KRT2: variants seen among roughly 807,000 people sequenced by gnomAD.
The protein encoded by KRT2 is keratin 2, also known as keratin, type II cytoskeletal 2 epidermal.
A neutral mutation model predicts 48.5 loss-of-function variants in KRT2; 37 were observed. The ratio of observed to expected loss-of-function variants is 0.76; its 90% CI spans 0.59 to 1.00. KRT2 has a LOEUF of 1.00. KRT2 is among the 50% of genes least tolerant of loss of function. The pLI, the probability that KRT2 is intolerant of heterozygous loss-of-function variation, is 0.00. For missense variants in KRT2, 880 were observed against 815.2 expected (o/e 1.08, Z -0.97); for synonymous variants, 324 against 312.2 (o/e 1.04, Z -0.40).
Position 52,645,114 on chromosome 12 carries a change from C to T in KRT2, c.1825G>A (p.Gly609Arg), listed in dbSNP as rs777733979. 3 of 1,613,828 alleles carry T rather than the reference C, an allele frequency of 1.9e-6. No individual in the cohort carries two copies. The South Asian group carries it at 3.3e-5, about 18-fold the overall frequency. The stretch of plus-strand genomic sequence containing the variant: ...CCACCTCCAGAGCCATATCCTCCTC[C>T]AGAGCTGGAGCCTCCTCTAGAGCCA... ...GGGSRGGSSS[G>R]GGYGSGGGGS... is the part of the protein sequence containing the mutation. Residue 609 changes from glycine (G) to arginine (R), a missense_variant, in exon 9 of 9, where the codon GGA becomes AGA. Transcript: ENST00000309680.
At position 52,646,913 on chromosome 12, in the gene KRT2, C is replaced by G; in HGVS notation, c.1296G>C (p.Glu432Asp). ...DAIADAEQRG[E>D]HALKDARNKL... Reference sequence around the variant, plus strand: ...TGTTCCTGGCATCCTTGAGGGCATGCTCCCCACGCTGCTCGGCATCTGCGA... The same window carrying G: ...TGTTCCTGGCATCCTTGAGGGCATGGTCCCCACGCTGCTCGGCATCTGCGA... The change falls in exon 7 of 9, where the codon GAG (glutamate) becomes GAC (aspartate). Residue 432 changes from glutamate (E) to aspartate (D), a missense_variant. Glu to Asp is a conservative substitution (Grantham distance 45). Coordinates refer to ENST00000309680, the MANE Select transcript of KRT2 (RefSeq NM_000423.3). 6.2e-7 allele frequency: 1 copy of G among 1,614,208 alleles called. No homozygotes were observed. The highest frequency in any genetic ancestry group is 8.5e-7 in the Non-Finnish European group (1 of 1,180,020).
chr12:52,647,344 C>T (rs1941181853), intron 6 of KRT2, among the ~76,000 whole-genome samples: 1 of 152,232 alleles, frequency 6.6e-6, no homozygotes, highest in Admixed American at 6.5e-5. Context: ...CAGCTGCCCT[C>T]AATACTCACT....
chr12:52,647,474 C>T (rs1461401766), intron 6 of KRT2, among the ~76,000 whole-genome samples: 1 of 152,230 alleles, frequency 6.6e-6, no homozygotes, highest in Non-Finnish European at 1.5e-5. Context: ...GTTATGACTC[C>T]CTTTTCCTCA....
Position 52,650,519 on chromosome 12 carries a change from T to C in KRT2, c.620A>G (p.Gln207Arg). The C allele has an allele frequency of 6.2e-7, 1 of 1,612,988 alleles. No individual in the cohort carries two copies. The highest frequency in any genetic ancestry group is 8.5e-7 in the Non-Finnish European group (1 of 1,180,010). Residue 207 changes from glutamine to arginine, a missense_variant, in exon 2 of 9, where the codon CAG becomes CGG. By Grantham distance (43) the Gln-to-Arg change is conservative. Coordinates refer to ENST00000309680, the MANE Select transcript of KRT2 (RefSeq NM_000423.3). Reference sequence around the variant, plus strand: ...TTGTTGTAGCAGCTCCCATTTGGTCTGTAACACCTGGTTCTGCTGCTCCAA... The same window carrying C: ...TTGTTGTAGCAGCTCCCATTTGGTCCGTAACACCTGGTTCTGCTGCTCCAA... Reference protein sequence around the residue: ...RFLEQQNQVLQTKWELLQQMN... With the variant: ...RFLEQQNQVLRTKWELLQQMN...
At position 52,649,939 on chromosome 12, in the gene KRT2, T is replaced by G; in HGVS notation, c.836A>C (p.Glu279Ala). The change falls in exon 3 of 9, where the codon GAG becomes GCG. Residue 279 changes from glutamate (E) to alanine (A), a missense_variant. Transcript: ENST00000309680. The stretch of plus-strand genomic sequence containing the variant: ...CTTTTTAAGCGTCACAAAATCATTC[T>G]CAGCAGCTGTGCGCTTATTGATTTC... Reference protein sequence around the residue: ...EDEINKRTAAENDFVTLKKDV... With the variant: ...EDEINKRTAAANDFVTLKKDV... The G allele has an allele frequency of 6.2e-7, 1 of 1,613,932 alleles. No homozygotes were observed. The highest frequency in any genetic ancestry group is 8.5e-7 in the Non-Finnish European group (1 of 1,179,772).
chr12:52,646,102 GA>G (rs1565638613), intron 7 of KRT2, among the ~76,000 whole-genome samples: 1 of 152,222 alleles, frequency 6.6e-6, no homozygotes, highest in Non-Finnish European at 1.5e-5. Flanking sequence ...ACCTCCTGAA[GA>G]AAGCCACTCC....
intron 3 of KRT2, 35 bp downstream of exon 3, chr12:52,649,879 A>C (rs150989489): frequency 0.03 from 47,118 of 1,560,048 alleles, 831 homozygotes; most frequent in Non-Finnish European, 0.036. Flanking sequence ...AAGCACTCCT[A>C]TCCCCACCCC....
chr12:52,644,829 G>C lies in KRT2; in HGVS notation c.*190C>G, dbSNP rs1347300089. 7 of 653,690 alleles carry C rather than the reference G, an allele frequency of 1.1e-5. No individual in the cohort carries two copies. In the African/African-American group the frequency reaches 1.3e-4, roughly 12 times the overall value. The allele number at this position is 653,690 out of a possible 1,614,324, so 40.5% of individuals were successfully genotyped here. ...GCCCCAGAACACAGAGGCGTCACTG[G>C]CTCTAACTAACTGGTTTGGAGAGAA... On this transcript the variant is annotated 3_prime_UTR_variant, in exon 9 of 9. Transcript: ENST00000309680.
chr12:52,647,964 A>G, intron 5 of KRT2, 109 bp from the exon 6 acceptor site: 1 of 1,432,774 alleles, frequency 7.0e-7, no homozygotes, highest in Non-Finnish European at 9.8e-7. Context: ...GGGTCAACCC[A>G]GCTAAATGTC....
Position 52,648,355 on chromosome 12 carries a change from G to A in KRT2, c.958-18C>T. On this transcript the variant is annotated intron_variant, in intron 4 of 8. Coordinates refer to ENST00000309680, the MANE Select transcript of KRT2 (RefSeq NM_000423.3). ...GATATCTCCTACAACACACAGGAAGGTCTGGTCATGACATCCTGCCATAGC... is the reference window on the plus strand; with the variant it reads ...GATATCTCCTACAACACACAGGAAGATCTGGTCATGACATCCTGCCATAGC... The A allele has an allele frequency of 6.2e-7, 1 of 1,612,062 alleles. No homozygotes were observed. The highest frequency in any genetic ancestry group is 8.5e-7 in the Non-Finnish European group (1 of 1,178,142).
chr12:52,649,446 G>A (rs542223834), intron 3 of KRT2, among the ~76,000 whole-genome samples: 12 of 152,190 alleles, frequency 7.9e-5, no homozygotes, highest in South Asian at 2.1e-4. Flanking sequence ...CTCTCATCCC[G>A]TCTGTCCATC....
rs370437084 is a variant in KRT2, at chr12:52,648,341, C to T, written c.958-4G>A. On this transcript the variant is annotated splice_polypyrimidine_tract_variant and splice_region_variant and intron_variant, in intron 4 of 8. Coordinates refer to ENST00000309680, the MANE Select transcript of KRT2 (RefSeq NM_000423.3). ...TCTGATGTATCTGGGATATCTCCTACAACACACAGGAAGGTCTGGTCATGA... is the reference window on the plus strand; with the variant it reads ...TCTGATGTATCTGGGATATCTCCTATAACACACAGGAAGGTCTGGTCATGA... 3.1e-6 allele frequency: 5 copies of T among 1,613,704 alleles called. No homozygotes were observed. The highest frequency in any genetic ancestry group is 3.4e-6 in the Non-Finnish European group (4 of 1,179,604).
chr12:52,648,675 G>T (rs983709219), intron 4 of KRT2, among the ~76,000 whole-genome samples: 1 of 152,166 alleles, frequency 6.6e-6, no homozygotes, highest in African/African-American at 2.4e-5. Flanking sequence ...GAGGGGGATA[G>T]GAGACAAATG....
rs758810577 is a variant in KRT2, at chr12:52,649,114, G to A, written c.862-12C>T. The A allele has an allele frequency of 5.1e-6, 8 of 1,561,770 alleles. No homozygotes were observed. The highest frequency in any genetic ancestry group is 7.1e-6 in the Non-Finnish European group (8 of 1,132,628). ...GCATTGTCCACGTCCTGCAAGAAAGGTTGAGGCCTCTGGTGTATGGTTCCC... is the reference window on the plus strand; with the variant it reads ...GCATTGTCCACGTCCTGCAAGAAAGATTGAGGCCTCTGGTGTATGGTTCCC... On this transcript the variant is annotated splice_polypyrimidine_tract_variant and intron_variant, in intron 3 of 8. Transcript: ENST00000309680.
rs1409015144 is a variant in KRT2, at chr12:52,645,398, G to C, written c.1541C>G (p.Ser514Cys). The stretch of plus-strand genomic sequence containing the variant: ...TCCAGAACCTCCAAAGGCAGCCTTG[G>C]ATGCCACATTTGATGAAATGGTGCT... ...TSSTISSNVA[S>C]KAAFGGSGGR... is the part of the protein sequence containing the mutation. Residue 514 changes from serine (S) to cysteine (C), a missense_variant, in exon 9 of 9, where the codon TCC becomes TGC. By Grantham distance (112) the Ser-to-Cys change is moderately radical. Coordinates refer to ENST00000309680, the MANE Select transcript of KRT2 (RefSeq NM_000423.3). The C allele has an allele frequency of 1.2e-6, 2 of 1,614,170 alleles. No individual in the cohort carries two copies. Among genetic ancestry groups the C allele is most frequent in the Admixed American group, 1.7e-5 (1 of 60,010 alleles).
In KRT2 at chr12:52,649,040, C is replaced by T. The variant is rs1398619749; in HGVS notation, c.924G>A (p.Gln308=). 4.3e-6 allele frequency: 7 copies of T among 1,613,204 alleles called. No homozygotes were observed. In the East Asian group the frequency reaches 1.3e-4, roughly 31 times the overall value. ...ELQSKVDLLN[Q]EIEFLKVLYD... is the part of the protein sequence containing the mutation. ...AGAGAACTTTCAGAAACTCAATTTC[C>T]TGGTTCAGCAGGTCCACCTTGGACT... Residue 308 remains glutamine, a synonymous_variant, in exon 4 of 9, where the codon CAG becomes CAA. Coordinates refer to ENST00000309680, the MANE Select transcript of KRT2 (RefSeq NM_000423.3).
intron 8 of KRT2, 39 bp downstream of exon 8, chr12:52,645,496 A>C (rs776690325): frequency 6.2e-7 from 1 of 1,614,110 alleles, no homozygotes. Context: ...TCCACCTGAC[A>C]CAACACCCCA....
chr12:52,644,954 A>G lies in KRT2; in HGVS notation c.*65T>C. On this transcript the variant is annotated 3_prime_UTR_variant, in exon 9 of 9. Transcript: ENST00000309680. ...TGCTGCCAGTTAGAGGTACAGAGAC[A>G]GGCTTCTACATTCTGGAGTGGGAGA... The G allele has an allele frequency of 6.4e-7, 1 of 1,571,780 alleles. No individual in the cohort carries two copies. Among genetic ancestry groups the G allele is most frequent in the Non-Finnish European group, 8.7e-7 (1 of 1,142,876 alleles).
chr12:52,652,200 C>A lies in KRT2; in HGVS notation c.-58G>T. 7.8e-7 allele frequency: 1 copy of A among 1,286,726 alleles called. No homozygotes were observed. Among genetic ancestry groups the A allele is most frequent in the Non-Finnish European group, 1.1e-6 (1 of 918,404 alleles). The allele number at this position is 1,286,726 out of a possible 1,614,324, so 79.7% of individuals were successfully genotyped here. The stretch of plus-strand genomic sequence containing the variant: ...TCTTGAGAAGAGTCAAGGCTGGAGA[C>A]TCAACTGTGCTGCTGGGAGGCTTTC... On this transcript the variant is annotated 5_prime_UTR_variant, in exon 1 of 9. Transcript: ENST00000309680.
Sources: gnomAD v4.1 joint callset for allele counts (sites outside exome capture counted in the v4.1 genomes callset) on GRCh38, gnomAD v4.1.1 for gene constraint, MANE v1.5 for transcripts, NCBI Gene and HGNC (gene_info 2026-07-23, HGNC 2026-07-21) for gene names.